The following TROAP variants were observed in gnomAD, a reference collection of about 807,000 sequenced individuals.
The protein encoded by TROAP is tastin.
A neutral mutation model predicts 83.4 loss-of-function variants in TROAP; 62 were observed. The observed-to-expected ratio is 0.74, with a 90% CI of 0.61 to 0.92. The LOEUF is 0.92. Ranked by LOEUF, TROAP falls within the 40% of genes least tolerant of loss-of-function variation. The pLI, the probability that TROAP is intolerant of heterozygous loss-of-function variation, is 0.00. For missense variants in TROAP, 876 were observed against 985.1 expected (o/e 0.89, Z 1.48); for synonymous variants, 352 against 386.4 (o/e 0.91, Z 1.04).
chr12:49,326,907 C>T (rs1943508973), intron 7 of TROAP, among the ~76,000 whole-genome samples, 187 bp downstream of exon 7: 1 of 152,208 alleles, frequency 6.6e-6, no homozygotes, highest in Non-Finnish European at 1.5e-5. Context: ...GCACTTTTGT[C>T]TAAGGAGATG....
Position 49,330,374 on chromosome 12 carries a change from G to C in TROAP, c.1529G>C (p.Gly510Ala). The C allele has an allele frequency of 6.2e-7, 1 of 1,614,154 alleles. No homozygotes were observed. Among genetic ancestry groups the C allele is most frequent in the Non-Finnish European group, 8.5e-7 (1 of 1,179,996 alleles). ...AAGCCCTGTCTTCCAGAGGAGTGCG[G>C]GGAACCACAGCCCTGCCCTCCGGCA... ...LPKPCLPEECGEPQPCPPAEP... is the reference protein window; with the variant it reads ...LPKPCLPEECAEPQPCPPAEP... The change falls in exon 13 of 15, where the codon GGG becomes GCG. Residue 510 changes from glycine to alanine, a missense_variant. Coordinates refer to ENST00000257909, the MANE Select transcript of TROAP (RefSeq NM_005480.4).
intron 3 of TROAP, among the ~76,000 whole-genome samples, chr12:49,324,938 G>C (rs1254140654): frequency 1.5e-5 from 2 of 133,962 alleles, no homozygotes; most frequent in Non-Finnish European, 3.1e-5. Context: ...TTGAGACAGA[G>C]TCTCACTCTG....
Position 49,325,612 on chromosome 12 carries a change from G to A in TROAP, c.449G>A (p.Arg150Lys). The A allele has an allele frequency of 6.2e-7, 1 of 1,613,974 alleles. No individual in the cohort carries two copies. The highest frequency in any genetic ancestry group is 8.5e-7 in the Non-Finnish European group (1 of 1,180,044). Residue 150 changes from arginine to lysine, a missense_variant, in exon 4 of 15, where the codon AGA (arginine) becomes AAA (lysine). Arg to Lys is a conservative substitution (Grantham distance 26). Around this residue, in one of 3 missense-constraint regions of TROAP, gnomAD observed 689 missense variants for 722.6 expected, o/e 0.95. Transcript: ENST00000257909. ...HLGRQPSLAK[R>K]VLVRGSQGGT... is the part of the protein sequence containing the mutation. ...GGGCGCCAGCCTAGTCTGGCTAAAA[G>A]AGTACTGGTTCGAGGAAGTCAGGGA... is the stretch of plus-strand genomic sequence containing the variant.
At chr12:49,331,433 T>C in intron 14 of TROAP, 26 bp downstream of exon 14, 1 of 1,609,674 alleles carries the variant, frequency 6.2e-7, no homozygotes, top group Non-Finnish European at 8.5e-7. Context: ...ACAGCCCAGC[T>C]GTGGCTGCAC....
At chr12:49,324,909 CTTT>C (rs891098022) in intron 3 of TROAP, among the ~76,000 whole-genome samples, 3 of 112,550 alleles carry the variant, frequency 2.7e-5, no homozygotes, top group Non-Finnish European at 3.6e-5. Flanking sequence ...TGTTTTCTTT[CTTT>C]TTTTTTTTTT....
Position 49,329,271 on chromosome 12 carries a change from G to A in TROAP, c.1104+27G>A, listed in dbSNP as rs752275232. 27 of 1,613,878 alleles carry A rather than the reference G, an allele frequency of 1.7e-5. No individual in the cohort carries two copies. Among genetic ancestry groups the A allele is most frequent in the Non-Finnish European group, 2.2e-5 (26 of 1,179,862 alleles). ...TAAGAGAGGGCATGGAGAGGTGGCT[G>A]GCATAAGTCACAGCTAGGGGAGAAA... On this transcript the variant is annotated intron_variant, in intron 10 of 14. Coordinates refer to ENST00000257909, the MANE Select transcript of TROAP (RefSeq NM_005480.4). The surrounding 1 kb of genome is among the most constrained non-coding windows in gnomAD (Gnocchi z 4.5).
chr12:49,329,926 C>A lies in TROAP; in HGVS notation c.1234C>A (p.Pro412Thr), dbSNP rs181203315. ...IRSLEGSGKP[P>T]VATPSGPHSN... ...GTCACTGGAGGGTTCTGGGAAACCA[C>A]CGGTGGCCACTCCTTCTGGACCCCA... is the stretch of plus-strand genomic sequence containing the variant. Residue 412 changes from proline (P) to threonine (T), a missense_variant, in exon 12 of 15, where the codon CCG (proline) becomes ACG (threonine). By Grantham distance (38) the Pro-to-Thr change is conservative. Around this residue, in one of 3 missense-constraint regions of TROAP, gnomAD observed 689 missense variants for 722.6 expected, o/e 0.95. Transcript: ENST00000257909. This position sits in a 1 kb window ranked among gnomAD's most constrained non-coding sequence, Gnocchi z 4.5. The A allele has an allele frequency of 1.9e-6, 3 of 1,614,004 alleles. No individual in the cohort carries two copies. The highest frequency in any genetic ancestry group is 2.5e-6 in the Non-Finnish European group (3 of 1,180,014).
In TROAP at chr12:49,330,189, G is replaced by T. The variant is rs199630680; in HGVS notation, c.1344G>T (p.Gly448=). ...LQQLLRQEVE[G]LVGGQCVPLN... is the part of the protein sequence containing the mutation. ...AGCTGTTGAGACAGGAAGTAGAGGG[G>T]CTGGTAGGGGGCCAGTGTGTCCCTC... is the stretch of plus-strand genomic sequence containing the variant. Residue 448 remains glycine, a synonymous_variant, in exon 13 of 15, where the codon GGG becomes GGT. Coordinates refer to ENST00000257909, the MANE Select transcript of TROAP (RefSeq NM_005480.4). 90 of 1,614,026 alleles carry T rather than the reference G, an allele frequency of 5.6e-5. No homozygotes were observed. The highest frequency in any genetic ancestry group is 7.5e-5 in the Non-Finnish European group (89 of 1,179,944).
At position 49,330,431 on chromosome 12, in the gene TROAP, G is replaced by A. The variant is rs1467736423; in HGVS notation, c.1586G>A (p.Ser529Asn). Reference protein sequence around the residue: ...EPGPPEAFCRSEPEIPEPSLQ... With the variant: ...EPGPPEAFCRNEPEIPEPSLQ... Reference sequence around the variant, plus strand: ...GGGCCCCCAGAGGCCTTCTGTAGGAGTGAGCCTGAGATACCAGAGCCCTCC... The same window carrying A: ...GGGCCCCCAGAGGCCTTCTGTAGGAATGAGCCTGAGATACCAGAGCCCTCC... The change falls in exon 13 of 15, where the codon AGT becomes AAT. Residue 529 changes from serine (S) to asparagine (N), a missense_variant. Coordinates refer to ENST00000257909, the MANE Select transcript of TROAP (RefSeq NM_005480.4). 2 of 1,614,056 alleles carry A rather than the reference G, an allele frequency of 1.2e-6. No homozygotes were observed. The highest frequency in any genetic ancestry group is 1.3e-5 in the African/African-American group (1 of 74,994).
Position 49,330,256 on chromosome 12 carries a change from C to A in TROAP, c.1411C>A (p.Leu471Met), listed in dbSNP as rs1943558400. Reference protein sequence around the residue: ...SSLDMVELQPLLTEISRTLNA... With the variant: ...SSLDMVELQPMLTEISRTLNA... ...TCTGGATATGGTTGAACTTCAGCCCCTGCTGACTGAGATTTCTAGAACTCT... is the reference window on the plus strand; with the variant it reads ...TCTGGATATGGTTGAACTTCAGCCCATGCTGACTGAGATTTCTAGAACTCT... The change falls in exon 13 of 15, where the codon CTG becomes ATG. Residue 471 changes from leucine (L) to methionine (M), a missense_variant. Leu to Met is a conservative substitution (Grantham distance 15, BLOSUM62 2). This residue lies in a region of TROAP where 689 missense variants were observed against 722.6 expected (regional missense o/e 0.95). Transcript: ENST00000257909. 6.2e-7 allele frequency: 1 copy of A among 1,614,128 alleles called. No individual in the cohort carries two copies. The highest frequency in any genetic ancestry group is 1.7e-5 in the Admixed American group (1 of 60,020).
Position 49,330,435 on chromosome 12 carries a change from G to C in TROAP, c.1590G>C (p.Glu530Asp). The C allele has an allele frequency of 6.2e-7, 1 of 1,614,158 alleles. No individual in the cohort carries two copies. Among genetic ancestry groups the C allele is most frequent in the Non-Finnish European group, 8.5e-7 (1 of 1,180,010 alleles). ...PGPPEAFCRS[E>D]PEIPEPSLQE... ...CCCCAGAGGCCTTCTGTAGGAGTGA[G>C]CCTGAGATACCAGAGCCCTCCCTCC... The change falls in exon 13 of 15, where the codon GAG becomes GAC. Residue 530 changes from glutamate (E) to aspartate (D), a missense_variant. By Grantham distance (45) the Glu-to-Asp change is conservative. This residue lies in a region of TROAP where 689 missense variants were observed against 722.6 expected (regional missense o/e 0.95). Transcript: ENST00000257909.
chr12:49,331,156 A>C (rs767835198), intron 13 of TROAP, 58 bp from the exon 14 acceptor site: 1 of 1,605,552 alleles, frequency 6.2e-7, no homozygotes, highest in Non-Finnish European at 8.5e-7. Context: ...AGGAGAGGAC[A>C]GTACATGGTG....
At chr12:49,323,468 C>A (rs1740953813) in intron 1 of TROAP, 119 bp downstream of exon 1, 3 of 1,178,548 alleles carry the variant, frequency 2.5e-6, no homozygotes, top group Non-Finnish European at 3.6e-6. Context: ...CCCATAAGAG[C>A]GGTCTTGCAG....
In TROAP at chr12:49,327,250, T is replaced by C. The variant is rs142606809; in HGVS notation, c.811T>C (p.Ser271Pro). Residue 271 changes from serine to proline, a missense_variant, in exon 8 of 15, where the codon TCA becomes CCA. This residue lies in a region of TROAP where 689 missense variants were observed against 722.6 expected (regional missense o/e 0.95). Coordinates refer to ENST00000257909, the MANE Select transcript of TROAP (RefSeq NM_005480.4). ...PKGEREVVTH[S>P]DEGGVASLGL... The stretch of plus-strand genomic sequence containing the variant: ...AGGAGAACGCGAGGTTGTCACTCAC[T>C]CAGATGAAGGAGGTGTGGCCTCTCT... The C allele has an allele frequency of 3.8e-5, 62 of 1,614,210 alleles. No homozygotes were observed. The African/African-American group carries it at 7.9e-4, about 20-fold the overall frequency.
In TROAP at chr12:49,325,527, G is replaced by C; in HGVS notation, c.364G>C (p.Ala122Pro). 1 of 1,613,904 alleles carries C rather than the reference G, an allele frequency of 6.2e-7. No homozygotes were observed. Among genetic ancestry groups the C allele is most frequent in the Non-Finnish European group, 8.5e-7 (1 of 1,180,008 alleles). Reference sequence around the variant, plus strand: ...GGCTCCAGGGACCATAGAGTTTGTGGCTGACCCTGCAGCCCTGGCCACCAT... The same window carrying C: ...GGCTCCAGGGACCATAGAGTTTGTGCCTGACCCTGCAGCCCTGGCCACCAT... ...TEAPGTIEFV[A>P]DPAALATILS... The change falls in exon 4 of 15, where the codon GCT becomes CCT. Residue 122 changes from alanine (A) to proline (P), a missense_variant. This residue lies in a region of TROAP where 689 missense variants were observed against 722.6 expected (regional missense o/e 0.95). Transcript: ENST00000257909.
At chr12:49,324,899 T>C (rs1270120383) in intron 3 of TROAP, among the ~76,000 whole-genome samples, 1 of 149,364 alleles carries the variant, frequency 6.7e-6, no homozygotes, top group Admixed American at 6.7e-5. Context: ...AGCTAATTTT[T>C]GTTTTCTTTC....
In TROAP at chr12:49,330,462, G is replaced by A. The variant is rs1329771936; in HGVS notation, c.1617G>A (p.Gln539=). 2 of 1,613,674 alleles carry A rather than the reference G, an allele frequency of 1.2e-6. No homozygotes were observed. Among genetic ancestry groups the A allele is most frequent in the Admixed American group, 1.7e-5 (1 of 60,022 alleles). The change falls in exon 13 of 15, where the codon CAG becomes CAA. Residue 539 remains glutamine (Q), a synonymous_variant. Coordinates refer to ENST00000257909, the MANE Select transcript of TROAP (RefSeq NM_005480.4). ...CTGAGATACCAGAGCCCTCCCTCCA[G>A]GAACAGCTTGAAGTACCAGAGCCCT... ...SEPEIPEPSL[Q]EQLEVPEPYP...
chr12:49,329,980 G>GA lies in TROAP; in HGVS notation c.1288_1289insA (p.Val430AspfsTer29), dbSNP rs768471100. On this transcript the variant is annotated frameshift_variant, in exon 12 of 15. Transcript: ENST00000257909. LOFTEE classifies it high-confidence loss of function. The surrounding 1 kb of genome is among the most constrained non-coding windows in gnomAD (Gnocchi z 4.5). ...TAACAGAACCCCCAGCCTCCAGGAG[G>GA]TGAAGATTCAAGTGAGTCTGTGTGG... The GA allele has an allele frequency of 1.2e-6, 2 of 1,614,130 alleles. No homozygotes were observed. The highest frequency in any genetic ancestry group is 1.7e-6 in the Non-Finnish European group (2 of 1,179,996).
intron 8 of TROAP, among the ~76,000 whole-genome samples, chr12:49,328,118 A>G (rs1294594157): frequency 6.6e-6 from 1 of 151,526 alleles, no homozygotes; most frequent in African/African-American, 2.4e-5. Context: ...TGGGTAAGGA[A>G]TTGTACACCA....
Sources: allele counts gnomAD v4.1 joint callset (sites outside exome capture counted in the v4.1 genomes callset), GRCh38; gene constraint gnomAD v4.1.1; regional missense constraint gnomAD v4.1.1; non-coding constraint Gnocchi (gnomAD v3.1); transcripts MANE v1.5; gene names NCBI Gene and HGNC (gene_info 2026-07-23, HGNC 2026-07-21).